RNF150: variants seen among roughly 807,000 people sequenced by gnomAD.
RNF150 encodes the protein ring finger protein 150.
A neutral mutation model predicts 39.3 loss-of-function variants in RNF150; 24 were observed. That is an observed-to-expected ratio of 0.61 (90% CI 0.44 to 0.86). The LOEUF is 0.86. RNF150 is among the 40% of genes least tolerant of loss of function. The pLI is 0.00. For synonymous variants in RNF150, 255 were observed against 227.3 expected (o/e 1.12, Z -1.10); for missense variants, 502 against 587.8 (o/e 0.85, Z 1.51).
At chr4:141,123,849 G>C (rs1332803323) in intron 1 of RNF150, among the ~76,000 whole-genome samples, 1 of 152,174 alleles carries the variant, frequency 6.6e-6, no homozygotes, top group Non-Finnish European at 1.5e-5. Context: ...ATGGTTTCCA[G>C]CTTCATCCAT....
intron 1 of RNF150, among the ~76,000 whole-genome samples, chr4:141,198,060 CTT>C (rs1728232226): frequency 7.5e-6 from 1 of 133,694 alleles, no homozygotes; most frequent in Non-Finnish European, 1.6e-5. Flanking sequence ...GAGTTTTGCT[CTT>C]GTTGCCCAGG....
chr4:140,948,946 G>A (rs950113978), intron 3 of RNF150, among the ~76,000 whole-genome samples: 18 of 152,110 alleles, frequency 1.2e-4, no homozygotes, highest in African/African-American at 3.6e-4. Context: ...AATATTACCT[G>A]AATATTGTTT....
chr4:141,108,776 A>G (rs771283811), intron 1 of RNF150, among the ~76,000 whole-genome samples: 33 of 152,240 alleles, frequency 2.2e-4, no homozygotes, highest in Non-Finnish European at 2.8e-4. Flanking sequence ...TTGCATTTAC[A>G]TAATAAGCTA....
intron 2 of RNF150, among the ~76,000 whole-genome samples, chr4:140,957,875 G>A (rs1382403867): frequency 2.8e-5 from 4 of 142,610 alleles, no homozygotes; most frequent in Admixed American, 1.5e-4. Flanking sequence ...ACAGGAAGGG[G>A]AACGTCACAC....
At chr4:141,171,425 C>T (rs1727718817) in intron 1 of RNF150, among the ~76,000 whole-genome samples, 1 of 151,064 alleles carries the variant, frequency 6.6e-6, no homozygotes, top group Admixed American at 6.6e-5. Context: ...TGTGCACACA[C>T]CCATGTGTGG....
chr4:140,880,639 GT>G (rs758690833), intron 6 of RNF150, among the ~76,000 whole-genome samples: 4 of 150,008 alleles, frequency 2.7e-5, no homozygotes, highest in Admixed American at 6.6e-5. Context: ...CTGGTCCTGG[GT>G]TTTTTTTTGT....
chr4:141,132,842 G>T lies in RNF150; in HGVS notation c.-34C>A. 1.3e-6 allele frequency: 2 copies of T among 1,566,326 alleles called. No homozygotes were observed. Among genetic ancestry groups the T allele is most frequent in the Non-Finnish European group, 1.7e-6 (2 of 1,144,152 alleles). On this transcript the variant is annotated 5_prime_UTR_variant, in exon 1 of 7. Coordinates refer to ENST00000515673, the MANE Select transcript of RNF150 (RefSeq NM_020724.2). The surrounding 1 kb of genome is among the most constrained non-coding windows in gnomAD (Gnocchi z 4.9). ...GCCGGGGCCCCCTCCCCGCCCCCGC[G>T]CCCTCCCTCCGTCCCGTCCCTCCTC... is the stretch of plus-strand genomic sequence containing the variant.
intron 1 of RNF150, among the ~76,000 whole-genome samples, chr4:141,041,589 G>A (rs1012726160): frequency 3.3e-5 from 5 of 152,022 alleles, no homozygotes; most frequent in African/African-American, 1.2e-4. Flanking sequence ...CTCTGACCAG[G>A]AGGAGAATTT....
At chr4:140,967,508 T>A in intron 2 of RNF150, 115 bp downstream of exon 2, 1 of 745,872 alleles carries the variant, frequency 1.3e-6, no homozygotes, top group Non-Finnish European at 2.2e-6. Context: ...GTTAACAGTG[T>A]TTATCTTGAG....
intron 1 of RNF150, among the ~76,000 whole-genome samples, chr4:141,207,140 A>T (rs1051916204): frequency 1.3e-5 from 2 of 152,162 alleles, no homozygotes; most frequent in Non-Finnish European, 2.9e-5. Context: ...ATCTCTTCTG[A>T]CAACACCCTC....
Position 140,860,034 on chromosome 4 carries a change from T to C in RNF150, c.*8227A>G, listed in dbSNP as rs1041571085. 8 of 152,132 alleles carry C rather than the reference T, an allele frequency of 5.3e-5. No individual in the cohort carries two copies. Among genetic ancestry groups the C allele is most frequent in the Non-Finnish European group, 1.0e-4 (7 of 68,020 alleles). The allele number at this position is 152,132 out of a possible 1,614,324, so 9.4% of individuals were successfully genotyped here. On this transcript the variant is annotated 3_prime_UTR_variant, in exon 7 of 7. Transcript: ENST00000515673. ...CCCTTGTTTCATCACTAGCCCATTA[T>C]GAGACAAGTTGATTACGCTCTCCAA...
intron 1 of RNF150, among the ~76,000 whole-genome samples, chr4:141,117,384 T>A (rs1242033434): frequency 6.6e-6 from 1 of 152,168 alleles, no homozygotes; most frequent in Non-Finnish European, 1.5e-5. Flanking sequence ...TCTTCTATGT[T>A]TAGACATGTT....
intron 1 of RNF150, among the ~76,000 whole-genome samples, chr4:141,126,036 T>C (rs565704067): frequency 1.3e-5 from 2 of 152,260 alleles, no homozygotes; most frequent in East Asian, 3.9e-4. Context: ...AATTCCTGGC[T>C]ATTGGAATTT....
intron 1 of RNF150, among the ~76,000 whole-genome samples, chr4:140,993,974 T>A (rs1211462921): frequency 6.6e-6 from 1 of 152,120 alleles, no homozygotes; most frequent in Non-Finnish European, 1.5e-5. Context: ...TGGGTGTTGT[T>A]GACATAACAG....
chr4:141,031,379 G>A (rs548120879), intron 1 of RNF150, among the ~76,000 whole-genome samples: 2 of 152,016 alleles, frequency 1.3e-5, no homozygotes, highest in South Asian at 4.2e-4. Flanking sequence ...AAAAACACAA[G>A]CAACAAAAGC....
intron 1 of RNF150, among the ~76,000 whole-genome samples, chr4:141,001,647 T>C (rs1734671454): frequency 6.6e-6 from 1 of 152,092 alleles, no homozygotes; most frequent in Non-Finnish European, 1.5e-5. Context: ...GCATGGTTTG[T>C]ACCATGTGCT....
rs1728468992 is a variant in RNF150 at position 140,860,988 on chromosome 4, A to G, written c.*7273T>C. 6.6e-6 allele frequency: 1 copy of G among 152,068 alleles called. No homozygotes were observed. The highest frequency in any genetic ancestry group is 1.5e-5 in the Non-Finnish European group (1 of 68,020). 9.4% of individuals were successfully genotyped at this position (152,068 alleles called of 1,614,324 possible). A position where few individuals can be genotyped will look rare whatever the true frequency, so the allele number is the denominator to read the frequency against. On this transcript the variant is annotated 3_prime_UTR_variant, in exon 7 of 7. Coordinates refer to ENST00000515673, the MANE Select transcript of RNF150 (RefSeq NM_020724.2). ...ATGGATGGAATGTAACTTTTCACAA[A>G]TACAAAATTATTTCATTTTCTAAAT...
intron 1 of RNF150, among the ~76,000 whole-genome samples, chr4:141,109,283 T>C (rs1295671042): frequency 6.6e-6 from 1 of 152,114 alleles, no homozygotes; most frequent in Non-Finnish European, 1.5e-5. Flanking sequence ...CACCACCTAT[T>C]CTAGCTAGTA....
At chr4:141,054,384 G>A (rs1736890450) in intron 1 of RNF150, among the ~76,000 whole-genome samples, 1 of 152,058 alleles carries the variant, frequency 6.6e-6, no homozygotes, top group Non-Finnish European at 1.5e-5. Flanking sequence ...ATTAATTCAA[G>A]AGAATGAGAA....
Sources: gnomAD v4.1 joint callset for allele counts (sites outside exome capture counted in the v4.1 genomes callset) on GRCh38, gnomAD v4.1.1 for gene constraint, Gnocchi (gnomAD v3.1) non-coding constraint, MANE v1.5 for transcripts, NCBI Gene and HGNC (gene_info 2026-07-23, HGNC 2026-07-21) for gene names.